The following DPP8 variants were observed in gnomAD, a reference collection of about 807,000 sequenced individuals.
The protein encoded by DPP8 is DPP VIII.
DPP8 carries 31 observed loss-of-function variants against 107.5 expected under a neutral mutation model. That is an observed-to-expected ratio of 0.29 (90% CI 0.22 to 0.39). DPP8 has a LOEUF of 0.39. Among genes scored for constraint, DPP8 ranks in the 10% least tolerant of loss-of-function variants. The probability of loss-of-function intolerance (pLI) is 1.00; values close to 1 mark genes in which losing one functional copy is unlikely to be tolerated. For missense variants in DPP8, 842 were observed against 1,076.1 expected (o/e 0.78, Z 3.04); for synonymous variants, 381 against 356.6 (o/e 1.07, Z -0.77).
Position 65,452,062 on chromosome 15 carries a change from T to C in DPP8, c.2312A>G (p.Tyr771Cys). ...AGAPVTLWIF[Y>C]DTGYTERYMG... ...ATAACGTTCCGTGTATCCTGTATCA[T>C]AGAAGATCCACAGAGTGACTGGGGC... Residue 771 changes from tyrosine (Y) to cysteine (C), a missense_variant, in exon 18 of 20, where the codon TAT becomes TGT. Coordinates refer to ENST00000300141, the MANE Select transcript of DPP8 (RefSeq NM_130434.5). 1.2e-6 allele frequency: 2 copies of C among 1,611,282 alleles called. No individual in the cohort carries two copies. The highest frequency in any genetic ancestry group is 2.2e-5 in the East Asian group (1 of 44,676).
intron 1 of DPP8, among the ~76,000 whole-genome samples, chr15:65,512,995 G>C (rs773263565): frequency 6.6e-6 from 1 of 152,214 alleles, no homozygotes; most frequent in African/African-American, 2.4e-5. Flanking sequence ...TTTGGTAAGT[G>C]TGGATTTTTT....
At chr15:65,506,244 G>A (rs1007013432) in intron 3 of DPP8, among the ~76,000 whole-genome samples, 10 of 151,854 alleles carry the variant, frequency 6.6e-5, no homozygotes, top group East Asian at 1.9e-4. Context: ...TAGGAGAATC[G>A]CTTGAACCCG....
intron 3 of DPP8, among the ~76,000 whole-genome samples, chr15:65,504,667 C>A (rs148749147): frequency 2.7e-3 from 292 of 108,796 alleles, no homozygotes; most frequent in Middle Eastern, 0.01. Context: ...GATTCCGTCT[C>A]AAAAAAAAAA....
At chr15:65,501,106 T>C (rs2069186687) in intron 3 of DPP8, among the ~76,000 whole-genome samples, 1 of 152,098 alleles carries the variant, frequency 6.6e-6, no homozygotes, top group African/African-American at 2.4e-5. Context: ...CTCCATCTCC[T>C]GACCTCGTGA....
intron 1 of DPP8, 70 bp from the exon 2 acceptor site, chr15:65,512,634 G>A (rs2070938822): frequency 1.3e-6 from 2 of 1,531,040 alleles, no homozygotes; most frequent in African/African-American, 1.4e-5. Context: ...CTCTGAGAGG[G>A]TCAAAAAAAA....
intron 17 of DPP8, among the ~76,000 whole-genome samples, chr15:65,453,704 G>A (rs547142420): frequency 1.3e-5 from 2 of 151,654 alleles, no homozygotes; most frequent in African/African-American, 4.8e-5. Context: ...GGTGAAGAGC[G>A]AGACTCCGTC....
Position 65,512,195 on chromosome 15 carries a change from GATTA to G in DPP8, c.259+96_259+99del, listed in dbSNP as rs995174635. 7.2e-5 allele frequency: 86 copies of G among 1,194,668 alleles called. 1 individual carries two copies. Among genetic ancestry groups the G allele is most frequent in the African/African-American group, 2.1e-4 (14 of 65,576 alleles). 74.0% of individuals were successfully genotyped at this position (1,194,668 alleles called of 1,614,324 possible). A position where few individuals can be genotyped will look rare whatever the true frequency, so the allele number is the denominator to read the frequency against. Reference sequence around the variant, plus strand: ...TTCTTTAATGAAACCAAAAGTCACTGATTAATTTATTCATCAAACTTTTGAGTGT... The same window carrying G: ...TTCTTTAATGAAACCAAAAGTCACTGATTTATTCATCAAACTTTTGAGTGT... On this transcript the variant is annotated intron_variant, in intron 2 of 19. Transcript: ENST00000300141.
chr15:65,496,132 C>T (rs765572842), intron 5 of DPP8, among the ~76,000 whole-genome samples: 4 of 151,492 alleles, frequency 2.6e-5, no homozygotes, highest in Non-Finnish European at 4.4e-5. Context: ...TACAGGCACC[C>T]GCCACCACGC....
intron 10 of DPP8, among the ~76,000 whole-genome samples, chr15:65,479,517 T>C (rs1047476460): frequency 1.2e-4 from 18 of 152,178 alleles, no homozygotes; most frequent in Non-Finnish European, 2.2e-4. Flanking sequence ...TTTAAATTTG[T>C]CTGCTAAATT....
At chr15:65,459,692 C>T (rs1325124082) in intron 15 of DPP8, among the ~76,000 whole-genome samples, 5 of 152,124 alleles carry the variant, frequency 3.3e-5, no homozygotes, top group Admixed American at 2.0e-4. Flanking sequence ...CAGTGGCTCA[C>T]GCCTGTAATC....
At chr15:65,505,130 C>T (rs985700990) in intron 3 of DPP8, among the ~76,000 whole-genome samples, 14 of 151,666 alleles carry the variant, frequency 9.2e-5, no homozygotes, top group African/African-American at 2.7e-4. Context: ...CCGAGGCAGG[C>T]GGATCACGAG....
rs141885381 is a variant in DPP8, at chr15:65,506,190, G to A, written c.372+1053C>T. Among the ~76,000 whole-genome samples, 747 of 151,444 alleles carry A rather than the reference G, an allele frequency of 4.9e-3. 2 individuals are homozygous for A. The highest frequency in any genetic ancestry group is 9.1e-3 in the Non-Finnish European group (620 of 67,844). Reference sequence around the variant, plus strand: ...ACTAAAAATACAAAATTAGCTGGGCGTGGTGGCGCATGCCTGTAATCCCAG... The same window carrying A: ...ACTAAAAATACAAAATTAGCTGGGCATGGTGGCGCATGCCTGTAATCCCAG... On this transcript the variant is annotated intron_variant, in intron 3 of 19. Transcript: ENST00000300141.
chr15:65,499,573 G>GT (rs758643819), intron 4 of DPP8, among the ~76,000 whole-genome samples: 32 of 150,614 alleles, frequency 2.1e-4, no homozygotes, highest in African/African-American at 3.7e-4. Context: ...AAATTTGTAT[G>GT]TTTTTTTTTA....
In DPP8 at chr15:65,469,381, G is replaced by A. The variant is rs150317684; in HGVS notation, c.1537-2158C>T. On this transcript the variant is annotated intron_variant, in intron 12 of 19. Transcript: ENST00000300141. The stretch of plus-strand genomic sequence containing the variant: ...ATAAAAAGCTCATAGGCAGCTGGGC[G>A]CAGTGGTCCAGGCCTGTAATCCCAA... Among the ~76,000 whole-genome samples, 81 of 151,802 alleles carry A rather than the reference G, an allele frequency of 5.3e-4. No homozygotes were observed. The East Asian group carries it at 0.014, about 26-fold the overall frequency.
At chr15:65,470,919 C>CAAAAAAAAAA (rs773144225) in intron 12 of DPP8, among the ~76,000 whole-genome samples, 9 of 110,750 alleles carry the variant, frequency 8.1e-5, no homozygotes, top group African/African-American at 3.1e-4. Context: ...ACTCTTATCT[C>CAAAAAAAAAA]AAAAAAAAAA....
Position 65,480,307 on chromosome 15 carries a change from A to G in DPP8, c.1211T>C (p.Met404Thr), listed in dbSNP as rs2140738193. 4 of 1,613,914 alleles carry G rather than the reference A, an allele frequency of 2.5e-6. No individual in the cohort carries two copies. Among genetic ancestry groups the G allele is most frequent in the Non-Finnish European group, 2.5e-6 (3 of 1,179,938 alleles). Residue 404 changes from methionine to threonine, a missense_variant, in exon 10 of 20, where the codon ATG (methionine) becomes ACG (threonine). Physicochemically the swap from Met to Thr is moderately conservative, Grantham distance 81. This residue lies in a region of DPP8 where 663 missense variants were observed against 758.0 expected (regional missense o/e 0.87). Coordinates refer to ENST00000300141, the MANE Select transcript of DPP8 (RefSeq NM_130434.5). ...ELFIPVEDDVMERQRLIESVP... is the reference protein window; with the variant it reads ...ELFIPVEDDVTERQRLIESVP... ...TGACTCAATGAGTCTCTGCCTTTCC[A>G]TAACATCATCTTCTACTGGGATAAA...
At chr15:65,508,213 C>T (rs1304659429) in intron 2 of DPP8, among the ~76,000 whole-genome samples, 1 of 151,580 alleles carries the variant, frequency 6.6e-6, no homozygotes, top group Non-Finnish European at 1.5e-5. Flanking sequence ...GCACTCTGGC[C>T]TGGGCAACAG....
intron 3 of DPP8, among the ~76,000 whole-genome samples, chr15:65,505,370 A>C (rs1429773333): frequency 6.7e-6 from 1 of 148,620 alleles, no homozygotes; most frequent in Non-Finnish European, 1.5e-5. Context: ...AAAAAAAAAT[A>C]GTCTGAGCAG....
chr15:65,466,207 T>TAGTTCATTGC (rs1394133129), intron 14 of DPP8, among the ~76,000 whole-genome samples: 2 of 152,128 alleles, frequency 1.3e-5, no homozygotes, highest in Non-Finnish European at 2.9e-5. Flanking sequence ...GGTGTGATCT[T>TAGTTCATTGC]AGTTCATTGC....
Sources: allele counts gnomAD v4.1 joint callset (sites outside exome capture counted in the v4.1 genomes callset), GRCh38; gene constraint gnomAD v4.1.1; regional missense constraint gnomAD v4.1.1; transcripts MANE v1.5; gene names NCBI Gene and HGNC (gene_info 2026-07-23, HGNC 2026-07-21).